Variants in THSD7A observed in about 807,000 individuals in gnomAD.
The protein encoded by THSD7A is thrombospondin type 1 domain containing 7A.
In THSD7A, 96 loss-of-function variants were observed where a neutral mutation model predicts 231.3. That is an observed-to-expected ratio of 0.41 (90% CI 0.35 to 0.49). THSD7A has a LOEUF of 0.49. Among genes scored for constraint, THSD7A ranks in the 20% least tolerant of loss-of-function variants. The probability of loss-of-function intolerance (pLI) is 0.05; values close to 1 mark genes in which losing one functional copy is unlikely to be tolerated. For synonymous variants in THSD7A, 940 were observed against 743.3 expected, an observed-to-expected ratio of 1.26 and a Z score of -4.30; for missense variants, 2,290 against 2,070.2, an observed-to-expected ratio of 1.11 and a Z score of -2.06.
At chr7:11,458,237 GA>G (rs746903677) in intron 11 of THSD7A, among the ~76,000 whole-genome samples, 4 of 152,018 alleles carry the variant, frequency 2.6e-5, no homozygotes, top group African/African-American at 4.8e-5. Context: ...GGATAAAGAT[GA>G]AAATAGCAAG....
At chr7:11,558,627 T>A (rs1383385405) in intron 4 of THSD7A, among the ~76,000 whole-genome samples, 1 of 152,154 alleles carries the variant, frequency 6.6e-6, no homozygotes, top group African/African-American at 2.4e-5. Flanking sequence ...AAGAAATTTC[T>A]AAAGAACTTA....
intron 6 of THSD7A, among the ~76,000 whole-genome samples, chr7:11,504,523 C>A (rs988330640): frequency 6.6e-6 from 1 of 151,990 alleles, no homozygotes; most frequent in Non-Finnish European, 1.5e-5. Context: ...GCTATTATTC[C>A]TTTTTTAAAA....
chr7:11,673,667 G>C, intron 1 of THSD7A, among the ~76,000 whole-genome samples: 1 of 152,152 alleles, frequency 6.6e-6, no homozygotes, highest in East Asian at 1.9e-4. Flanking sequence ...GTGCAGTGCA[G>C]TTTCTTACGC....
intron 13 of THSD7A, among the ~76,000 whole-genome samples, chr7:11,429,368 C>T (rs1041084650): frequency 2.6e-5 from 4 of 152,180 alleles, no homozygotes; most frequent in Admixed American, 2.6e-4. Context: ...TCATGCTCAC[C>T]ATATTTCAAC....
At chr7:11,776,673 T>A (rs1242620743) in intron 1 of THSD7A, among the ~76,000 whole-genome samples, 2 of 152,192 alleles carry the variant, frequency 1.3e-5, no homozygotes, top group African/African-American at 2.4e-5. Context: ...TTTGCAAAAA[T>A]TAAGCTTCTG....
chr7:11,448,147 T>C (rs1031951090), intron 11 of THSD7A, among the ~76,000 whole-genome samples: 1 of 152,170 alleles, frequency 6.6e-6, no homozygotes, highest in African/African-American at 2.4e-5. Context: ...TGTTAAAATT[T>C]GTAGTTCTAA....
chr7:11,501,050 T>C (rs1380543576), intron 6 of THSD7A, among the ~76,000 whole-genome samples: 1 of 147,122 alleles, frequency 6.8e-6, no homozygotes, highest in African/African-American at 2.5e-5. Flanking sequence ...TATATAATGG[T>C]AAAGGTTTCA....
chr7:11,381,238 A>G (rs915259580), intron 24 of THSD7A, among the ~76,000 whole-genome samples: 29 of 152,136 alleles, frequency 1.9e-4, no homozygotes, highest in African/African-American at 6.8e-4. Context: ...CCAAAAAATA[A>G]TACAGTGAGA....
At chr7:11,682,973 ATTAG>A (rs781011980) in intron 1 of THSD7A, among the ~76,000 whole-genome samples, 14 of 152,036 alleles carry the variant, frequency 9.2e-5, no homozygotes, top group Non-Finnish European at 1.6e-4. Context: ...AAATACAAAT[ATTAG>A]TTGGCACGGT....
chr7:11,622,486 T>G (rs943859652), intron 2 of THSD7A, among the ~76,000 whole-genome samples: 7 of 152,162 alleles, frequency 4.6e-5, no homozygotes, highest in African/African-American at 1.7e-4. Context: ...TTATACCTAC[T>G]TTAAAATTAA....
intron 7 of THSD7A, among the ~76,000 whole-genome samples, chr7:11,477,709 A>G (rs574434781): frequency 2.3e-4 from 35 of 152,198 alleles, no homozygotes; most frequent in African/African-American, 7.9e-4. Context: ...CTCCTGGCCC[A>G]TCTTGTACTT....
At chr7:11,565,793 C>G (rs1790288199) in intron 4 of THSD7A, among the ~76,000 whole-genome samples, 1 of 152,158 alleles carries the variant, frequency 6.6e-6, no homozygotes, top group Non-Finnish European at 1.5e-5. Context: ...TACAAAATTG[C>G]AAGTGACAGC....
chr7:11,579,424 T>C (rs567938338), intron 4 of THSD7A, among the ~76,000 whole-genome samples: 2 of 152,292 alleles, frequency 1.3e-5, no homozygotes, highest in African/African-American at 2.4e-5. Flanking sequence ...CATTTCAAAA[T>C]TCCTCCTGGC....
At chr7:11,665,769 C>A (rs1293654121) in intron 1 of THSD7A, among the ~76,000 whole-genome samples, 1 of 151,982 alleles carries the variant, frequency 6.6e-6, no homozygotes, top group African/African-American at 2.4e-5. Flanking sequence ...AAAGCTTGTA[C>A]AATTTGGGGG....
At position 11,439,005 on chromosome 7, in the gene THSD7A, A is replaced by G. The variant is rs1364055977; in HGVS notation, c.3064+7056T>C. Among the ~76,000 whole-genome samples, 4 of 152,148 alleles carry G rather than the reference A, an allele frequency of 2.6e-5. No homozygotes were observed. In the East Asian group the frequency reaches 7.7e-4, roughly 29 times the overall value. Reference sequence around the variant, plus strand: ...ATTTTAATAATTTTTTTCTTCAAGCACAAAAAGTCTTAGAGTAAAATAATA... The same window carrying G: ...ATTTTAATAATTTTTTTCTTCAAGCGCAAAAAGTCTTAGAGTAAAATAATA... On this transcript the variant is annotated intron_variant, in intron 13 of 27. Transcript: ENST00000423059.
intron 2 of THSD7A, among the ~76,000 whole-genome samples, chr7:11,621,220 G>C (rs1415443597): frequency 6.6e-6 from 1 of 152,116 alleles, no homozygotes; most frequent in East Asian, 1.9e-4. Flanking sequence ...GTGTTTCCTA[G>C]TCTGATTTAC....
chr7:11,627,965 C>G (rs1781525799), intron 2 of THSD7A, among the ~76,000 whole-genome samples: 1 of 151,698 alleles, frequency 6.6e-6, no homozygotes, highest in African/African-American at 2.4e-5. Context: ...AATAATGCAC[C>G]TCCTCATGAA....
intron 6 of THSD7A, among the ~76,000 whole-genome samples, chr7:11,534,403 G>C (rs1194927751): frequency 6.6e-6 from 1 of 152,106 alleles, no homozygotes. Context: ...TATGCCAAAA[G>C]CCACCATATA....
Position 11,571,768 on chromosome 7 carries a change from C to T in THSD7A, c.1453+18692G>A, listed in dbSNP as rs180696606. Among the ~76,000 whole-genome samples the T allele has an allele frequency of 3.3e-5, 5 of 152,174 alleles. 1 individual carries two copies. Among genetic ancestry groups the T allele is most frequent in the Admixed American group, 2.0e-4 (3 of 15,286 alleles). On this transcript the variant is annotated intron_variant, in intron 4 of 27. Coordinates refer to ENST00000423059, the MANE Select transcript of THSD7A (RefSeq NM_015204.3). ...CTTCATTGTCTGAGATTTCAACCCT[C>T]GTTCGTTATCTTTATTCACATGTAT... is the stretch of plus-strand genomic sequence containing the variant.
Sources: allele counts gnomAD v4.1 joint callset (sites outside exome capture counted in the v4.1 genomes callset), GRCh38; gene constraint gnomAD v4.1.1; transcripts MANE v1.5; gene names NCBI Gene and HGNC (gene_info 2026-07-23, HGNC 2026-07-21).